Variants in LRP1B observed in about 807,000 individuals in gnomAD.
LRP1B encodes LDL receptor related protein 1B.
In LRP1B, 217 loss-of-function variants were observed where a neutral mutation model predicts 556.6. The observed-to-expected ratio is 0.39, with a 90% confidence interval of 0.35 to 0.44. LRP1B has a LOEUF of 0.44. Ranked by LOEUF, LRP1B falls within the 20% of genes least tolerant of loss-of-function variation. The probability of loss-of-function intolerance (pLI) is 1.00; values close to 1 mark genes in which losing one functional copy is unlikely to be tolerated. For missense variants in LRP1B, 5,053 were observed against 5,620.8 expected (o/e 0.90, Z 3.23); for synonymous variants, 2,047 against 1,865.8 (o/e 1.10, Z -2.50).
intron 47 of LRP1B, 25 bp from the exon 48 acceptor site, chr2:140,526,375 AT>A (rs1401102038): frequency 1.5e-6 from 2 of 1,293,926 alleles, no homozygotes; most frequent in Non-Finnish European, 2.2e-6. Context: ...ACATAAACAA[AT>A]GCAAAGATGG....
chr2:140,868,992 G>C (rs988112119), intron 25 of LRP1B, among the ~76,000 whole-genome samples: 13 of 151,972 alleles, frequency 8.6e-5, no homozygotes, highest in African/African-American at 3.1e-4. Flanking sequence ...ACCAGTTCTG[G>C]GTCGAATCCA....
intron 86 of LRP1B, among the ~76,000 whole-genome samples, chr2:140,262,076 AAGAT>A (rs1276073830): frequency 6.6e-6 from 1 of 152,000 alleles, no homozygotes; most frequent in Non-Finnish European, 1.5e-5. Context: ...ATTAAAAAAA[AAGAT>A]CAGAAGAAAA....
At chr2:141,349,844 T>C (rs545715201) in intron 3 of LRP1B, among the ~76,000 whole-genome samples, 102 of 152,144 alleles carry the variant, frequency 6.7e-4, no homozygotes, top group Non-Finnish European at 1.4e-3. Flanking sequence ...TCAAAGAGTA[T>C]AATAGTCAAG....
At chr2:141,263,953 C>A (rs1254380463) in intron 3 of LRP1B, among the ~76,000 whole-genome samples, 1 of 152,024 alleles carries the variant, frequency 6.6e-6, no homozygotes, top group Non-Finnish European at 1.5e-5. Flanking sequence ...AAAATACAAC[C>A]CTTGGCAATG....
chr2:140,601,370 T>C, intron 42 of LRP1B, 80 bp downstream of exon 42: 1 of 1,170,796 alleles, frequency 8.5e-7, no homozygotes, highest in African/African-American at 1.6e-5. Context: ...TTTTTAAAGT[T>C]AATTCTTAAA....
chr2:142,066,190 A>G (rs888708578), intron 1 of LRP1B, among the ~76,000 whole-genome samples: 4 of 151,598 alleles, frequency 2.6e-5, no homozygotes, highest in Non-Finnish European at 5.9e-5. Flanking sequence ...GTTTTTCTCT[A>G]GACCATGCTT....
Position 141,656,307 on chromosome 2 carries a change from T to C in LRP1B, c.205+153972A>G, listed in dbSNP as rs182490321. On this transcript the variant is annotated intron_variant, in intron 2 of 90. Coordinates refer to ENST00000389484, the MANE Select transcript of LRP1B (RefSeq NM_018557.3). Reference sequence around the variant, plus strand: ...CATAGGTTCATCAAGTTGGAAGACATTGAGGTGTCCTTAATTTTCTCTCAT... The same window carrying C: ...CATAGGTTCATCAAGTTGGAAGACACTGAGGTGTCCTTAATTTTCTCTCAT... Among the ~76,000 whole-genome samples, 212 of 152,264 alleles carry C rather than the reference T, an allele frequency of 1.4e-3. 2 individuals are homozygous for C. Among genetic ancestry groups the C allele is most frequent in the African/African-American group, 5.0e-3 (207 of 41,574 alleles).
intron 2 of LRP1B, among the ~76,000 whole-genome samples, chr2:141,552,459 T>C (rs1445211348): frequency 6.6e-6 from 1 of 151,990 alleles, no homozygotes; most frequent in Admixed American, 6.6e-5. Flanking sequence ...TCATTTTAAG[T>C]AATAGTAAAA....
Position 140,444,642 on chromosome 2 carries a change from C to A in LRP1B, c.10095G>T (p.Gly3365=), listed in dbSNP as rs2105305140. 6.2e-7 allele frequency: 1 copy of A among 1,613,902 alleles called. No individual in the cohort carries two copies. ...FRCQPGRFQC[G]TGLCALPAFI... ...AAGCTGGTAGAGCACAGAGTCCAGT[C>A]CCACACTGAAATCGGCCTGGCTGAC... Residue 3365 remains glycine, a synonymous_variant, in exon 64 of 91, where the codon GGG becomes GGT. Coordinates refer to ENST00000389484, the MANE Select transcript of LRP1B (RefSeq NM_018557.3).
chr2:140,604,003 A>C (rs1244853049), intron 41 of LRP1B, among the ~76,000 whole-genome samples: 1 of 152,018 alleles, frequency 6.6e-6, no homozygotes, highest in Non-Finnish European at 1.5e-5. Context: ...GAGATTCCTA[A>C]AACAGTTGAA....
At chr2:141,283,075 T>C (rs954465135) in intron 3 of LRP1B, among the ~76,000 whole-genome samples, 4 of 152,172 alleles carry the variant, frequency 2.6e-5, no homozygotes, top group African/African-American at 9.7e-5. Flanking sequence ...CACCTACTGT[T>C]CAATTATTCA....
intron 35 of LRP1B, among the ~76,000 whole-genome samples, chr2:140,766,666 T>G (rs1019174073): frequency 2.0e-5 from 3 of 150,364 alleles, no homozygotes; most frequent in African/African-American, 7.4e-5. Flanking sequence ...AAAAGGGAGG[T>G]TTATTAACCT....
chr2:141,577,928 C>T (rs1686810745), intron 2 of LRP1B, among the ~76,000 whole-genome samples: 1 of 152,110 alleles, frequency 6.6e-6, no homozygotes, highest in Non-Finnish European at 1.5e-5. Flanking sequence ...CAGCCTTAGA[C>T]ATAATGATTT....
chr2:141,949,045 AGGG>A (rs1701035113), intron 1 of LRP1B, among the ~76,000 whole-genome samples: 1 of 152,178 alleles, frequency 6.6e-6, no homozygotes, highest in African/African-American at 2.4e-5. Context: ...GATATTCTGA[AGGG>A]AATGCTTGTG....
Position 141,134,288 on chromosome 2 carries a change from A to G in LRP1B, c.1013+54133T>C, listed in dbSNP as rs139460864. Among the ~76,000 whole-genome samples the G allele has an allele frequency of 3.8e-3, 580 of 151,816 alleles. 5 individuals are homozygous for G. The highest frequency in any genetic ancestry group is 0.013 in the African/African-American group (526 of 41,444). On this transcript the variant is annotated intron_variant, in intron 7 of 90. Coordinates refer to ENST00000389484, the MANE Select transcript of LRP1B (RefSeq NM_018557.3). ...TTTGCTCCTCCATTCCATTCTCCAC[A>G]TTCCATTATAGTCATATTTTAAAAT... is the stretch of plus-strand genomic sequence containing the variant.
chr2:140,647,432 T>C (rs889625321), intron 41 of LRP1B, among the ~76,000 whole-genome samples: 1 of 152,102 alleles, frequency 6.6e-6, no homozygotes, highest in Non-Finnish European at 1.5e-5. Flanking sequence ...AATTATTGAG[T>C]GTTTACCATA....
chr2:140,834,518 G>A (rs956063535), intron 31 of LRP1B, among the ~76,000 whole-genome samples: 6 of 152,174 alleles, frequency 3.9e-5, no homozygotes, highest in Non-Finnish European at 8.8e-5. Flanking sequence ...GATTACAAGC[G>A]TGAGCCCCCG....
chr2:142,108,441 A>T (rs1197375131), intron 1 of LRP1B, among the ~76,000 whole-genome samples: 1 of 152,220 alleles, frequency 6.6e-6, no homozygotes, highest in East Asian at 1.9e-4. Context: ...TAAAAAAACC[A>T]CTAAGGCATA....
chr2:141,229,728 G>T (rs1360065330), intron 5 of LRP1B, among the ~76,000 whole-genome samples: 1 of 152,150 alleles, frequency 6.6e-6, no homozygotes, highest in East Asian at 1.9e-4. Context: ...AAAGGAAGTG[G>T]TGTGAATTGT....
Sources: gnomAD v4.1 joint callset for allele counts (sites outside exome capture counted in the v4.1 genomes callset) on GRCh38, gnomAD v4.1.1 for gene constraint, MANE v1.5 for transcripts, NCBI Gene and HGNC (gene_info 2026-07-23, HGNC 2026-07-21) for gene names.